The following CTNNA3 variants were observed in gnomAD, a reference collection of about 807,000 sequenced individuals.
CTNNA3 encodes catenin alpha-3.
A neutral mutation model predicts 95.7 loss-of-function variants in CTNNA3; 76 were observed. The ratio of observed to expected loss-of-function variants is 0.79; its 90% CI spans 0.66 to 0.96. The LOEUF is 0.96. Ranked by LOEUF, CTNNA3 falls within the 40% of genes least tolerant of loss-of-function variation. CTNNA3 has a pLI of 0.00. For missense variants in CTNNA3, 1,191 were observed against 1,089.8 expected, an observed-to-expected ratio of 1.09 and a Z score of -1.31; for synonymous variants, 431 against 374.4, an observed-to-expected ratio of 1.15 and a Z score of -1.74.
chr10:66,975,843 G>T (rs953882832), intron 7 of CTNNA3, among the ~76,000 whole-genome samples: 1 of 152,132 alleles, frequency 6.6e-6, no homozygotes, highest in Non-Finnish European at 1.5e-5. Flanking sequence ...ATTAAGACTT[G>T]TCATTTTCTA....
chr10:67,025,498 C>T (rs1170023704), intron 7 of CTNNA3, among the ~76,000 whole-genome samples: 1 of 152,036 alleles, frequency 6.6e-6, no homozygotes, highest in Non-Finnish European at 1.5e-5. Context: ...TCCAGACTTC[C>T]TATATAATAA....
chr10:66,083,668 T>C (rs141986215), intron 14 of CTNNA3, among the ~76,000 whole-genome samples: 61 of 152,300 alleles, frequency 4.0e-4, no homozygotes, highest in Non-Finnish European at 8.5e-4. Context: ...ACGCTAGTTA[T>C]GACCCATCCT....
chr10:66,500,464 C>G (rs768034093), intron 11 of CTNNA3, among the ~76,000 whole-genome samples: 1 of 152,022 alleles, frequency 6.6e-6, no homozygotes, highest in Non-Finnish European at 1.5e-5. Flanking sequence ...AAACACCTTA[C>G]AGAATTTTAA....
intron 7 of CTNNA3, chr10:67,098,418 C>T (rs755182388): frequency 2.0e-5 from 3 of 152,000 alleles, no homozygotes; most frequent in Non-Finnish European, 2.9e-5. Context: ...ATTGTTCAGA[C>T]TTGTAAGAGG....
chr10:67,390,495 A>G (rs1204313075), intron 5 of CTNNA3, among the ~76,000 whole-genome samples: 1 of 152,146 alleles, frequency 6.6e-6, no homozygotes, highest in Non-Finnish European at 1.5e-5. Flanking sequence ...AACTGGTACC[A>G]TTCCTACTGA....
chr10:67,002,225 A>G (rs535505953), intron 7 of CTNNA3, among the ~76,000 whole-genome samples: 147 of 152,288 alleles, frequency 9.7e-4, no homozygotes, highest in Non-Finnish European at 1.7e-3. Flanking sequence ...TTTCAAAACA[A>G]TAAGTAATTA....
intron 7 of CTNNA3, among the ~76,000 whole-genome samples, chr10:67,134,487 C>T (rs1180955375): frequency 1.3e-5 from 2 of 152,036 alleles, no homozygotes; most frequent in African/African-American, 4.8e-5. Context: ...TTTATGGGGC[C>T]ACTCTCACAA....
At chr10:66,872,745 G>T (rs1026402793) in intron 7 of CTNNA3, among the ~76,000 whole-genome samples, 3 of 152,006 alleles carry the variant, frequency 2.0e-5, no homozygotes, top group Non-Finnish European at 4.4e-5. Flanking sequence ...TTTGTTACAT[G>T]GGTAGATTGT....
chr10:65,924,296 G>T (rs1246664659), intron 17 of CTNNA3, among the ~76,000 whole-genome samples: 1 of 152,114 alleles, frequency 6.6e-6, no homozygotes, highest in Non-Finnish European at 1.5e-5. Context: ...AGGACACTGA[G>T]ATCTGCCCTC....
chr10:67,353,646 C>T lies in CTNNA3; in HGVS notation c.580-133776G>A, dbSNP rs527819676. On this transcript the variant is annotated intron_variant, in intron 5 of 17. Coordinates refer to ENST00000433211, the MANE Select transcript of CTNNA3 (RefSeq NM_013266.4). ...ATGATTAAAGTCACTTCTTAGGTGC[C>T]AAAAATGAAAGGAGTATGATGATGG... Among the ~76,000 whole-genome samples the T allele has an allele frequency of 9.2e-4, 139 of 151,862 alleles. 1 individual carries two copies. Among genetic ancestry groups the T allele is most frequent in the African/African-American group, 3.1e-3 (129 of 41,466 alleles).
chr10:67,468,778 T>C (rs1186674501), intron 5 of CTNNA3, among the ~76,000 whole-genome samples: 1 of 152,138 alleles, frequency 6.6e-6, no homozygotes, highest in East Asian at 1.9e-4. Context: ...ACCAGGTAGA[T>C]GAAAGCTGCC....
chr10:66,762,620 C>T (rs908416348), intron 9 of CTNNA3, among the ~76,000 whole-genome samples: 1 of 151,680 alleles, frequency 6.6e-6, no homozygotes, highest in Non-Finnish European at 1.5e-5. Context: ...AAGGAACAGG[C>T]ATGTTCAGAC....
At chr10:67,228,015 T>C (rs1424700581) in intron 5 of CTNNA3, among the ~76,000 whole-genome samples, 1 of 152,038 alleles carries the variant, frequency 6.6e-6, no homozygotes, top group Non-Finnish European at 1.5e-5. Flanking sequence ...ACCTCTGGGA[T>C]ACAGCAAAGG....
At chr10:66,742,081 C>T (rs117831247) in intron 9 of CTNNA3, among the ~76,000 whole-genome samples, 1,612 of 152,238 alleles carry the variant, frequency 0.011, 17 homozygotes, top group Admixed American at 0.024. Flanking sequence ...GTGAGCCAGG[C>T]GGAACAGAGG....
chr10:67,198,128 C>G (rs1356091127), intron 6 of CTNNA3, among the ~76,000 whole-genome samples: 1 of 152,024 alleles, frequency 6.6e-6, no homozygotes, highest in Non-Finnish European at 1.5e-5. Context: ...AATTGAAAAG[C>G]CACATGTGAG....
At chr10:66,799,138 C>T (rs1841328122) in intron 7 of CTNNA3, among the ~76,000 whole-genome samples, 1 of 151,566 alleles carries the variant, frequency 6.6e-6, no homozygotes, top group South Asian at 2.1e-4. Flanking sequence ...CAAACCTCAA[C>T]ACTCCTGAAA....
intron 12 of CTNNA3, among the ~76,000 whole-genome samples, chr10:66,362,096 ATTTTTTTTTT>A (rs569047811): frequency 1.2e-5 from 1 of 81,772 alleles, no homozygotes. Flanking sequence ...TTCATACACA[ATTTTTTTTTT>A]TTTTTTTTTT....
chr10:67,555,025 T>G (rs915012272), intron 3 of CTNNA3, among the ~76,000 whole-genome samples: 2 of 152,222 alleles, frequency 1.3e-5, no homozygotes, highest in Non-Finnish European at 2.9e-5. Flanking sequence ...CTTTCCCTAT[T>G]TCTTGTTTTT....
chr10:66,224,296 A>G (rs1185262096), intron 13 of CTNNA3, among the ~76,000 whole-genome samples: 1 of 152,158 alleles, frequency 6.6e-6, no homozygotes, highest in East Asian at 1.9e-4. Flanking sequence ...AACTCTGACT[A>G]ATACAAGTAG....
Sources: allele counts gnomAD v4.1 joint callset (sites outside exome capture counted in the v4.1 genomes callset), GRCh38; gene constraint gnomAD v4.1.1; transcripts MANE v1.5; gene names NCBI Gene and HGNC (gene_info 2026-07-23, HGNC 2026-07-21).